Variants in SNRPN observed in about 807,000 individuals in gnomAD.
SNRPN encodes the protein small nuclear ribonucleoprotein polypeptide N, also known as small nuclear ribonucleoprotein-associated protein N.
SNRPN carries 7 observed loss-of-function variants against 25.2 expected under a neutral mutation model. That is an observed-to-expected ratio of 0.28 (90% confidence interval 0.16 to 0.52). The LOEUF (loss-of-function observed/expected upper bound fraction) is 0.52, where lower values mean the gene tolerates loss of function less well. Among genes scored for constraint, SNRPN ranks in the 20% least tolerant of loss-of-function variants. The probability of loss-of-function intolerance (pLI) is 0.96; values close to 1 mark genes in which losing one functional copy is unlikely to be tolerated. For missense variants in SNRPN, 196 were observed against 322.5 expected (o/e 0.61, Z 3.00); for synonymous variants, 124 against 110.6 (o/e 1.12, Z -0.76).
At chr15:24,868,874 C>T (rs2054834730) in intron 1 of SNRPN, among the ~76,000 whole-genome samples, 1 of 152,120 alleles carries the variant, frequency 6.6e-6, no homozygotes, top group African/African-American at 2.4e-5. Context: ...CAATAGCTCA[C>T]ACCGGTAATC....
chr15:24,928,523 T>C (rs771568257), intron 3 of SNRPN, among the ~76,000 whole-genome samples: 1 of 151,930 alleles, frequency 6.6e-6, no homozygotes, highest in Non-Finnish European at 1.5e-5. Context: ...AAGTAGAGAG[T>C]AGAATTGTGA....
Position 24,899,226 on chromosome 15 carries a change from A to G in SNRPN, c.-505+12637A>G, listed in dbSNP as rs1595781046. Among the ~76,000 whole-genome samples the G allele has an allele frequency of 2.0e-5, 3 of 152,312 alleles. No individual in the cohort carries two copies. In the South Asian group the frequency reaches 6.2e-4, roughly 32 times the overall value. On this transcript the variant is annotated intron_variant, in intron 2 of 11. Coordinates refer to the SNRPN transcript ENST00000400097. Reference sequence around the variant, plus strand: ...ATTACAAACATCAACGGAAAAATCAATGATCTGTTTAAAATATTGTAAATA... The same window carrying G: ...ATTACAAACATCAACGGAAAAATCAGTGATCTGTTTAAAATATTGTAAATA...
intron 1 of SNRPN, among the ~76,000 whole-genome samples, chr15:24,824,285 A>G (rs1188979432): frequency 6.6e-6 from 1 of 152,150 alleles, no homozygotes; most frequent in Non-Finnish European, 1.5e-5. Flanking sequence ...TTGTGTAGAC[A>G]GAACACTGAG....
chr15:24,941,721 T>C (rs939102973), intron 3 of SNRPN, among the ~76,000 whole-genome samples: 1 of 152,212 alleles, frequency 6.6e-6, no homozygotes, highest in Admixed American at 6.5e-5. Context: ...TCTTTGTTGA[T>C]TCAAAGGCAT....
intron 2 of SNRPN, chr15:24,912,669 A>AAGCC (rs1325858491): frequency 6.6e-6 from 1 of 152,188 alleles, no homozygotes; most frequent in African/African-American, 2.4e-5. Context: ...CGTGGTGACT[A>AAGCC]AGCCATGAGG....
chr15:24,887,769 G>C (rs1313244332), intron 2 of SNRPN, among the ~76,000 whole-genome samples: 3 of 152,102 alleles, frequency 2.0e-5, no homozygotes, highest in Non-Finnish European at 2.9e-5. Context: ...CAGCCCATGA[G>C]GTCTGCATGC....
intron 2 of SNRPN, among the ~76,000 whole-genome samples, chr15:24,842,629 C>A (rs2051806294): frequency 6.6e-6 from 1 of 152,156 alleles, no homozygotes; most frequent in South Asian, 2.1e-4. Flanking sequence ...CAGAGAGGAA[C>A]AAACCCCAGC....
intron 2 of SNRPN, among the ~76,000 whole-genome samples, chr15:24,966,567 T>C (rs2075673265): frequency 6.6e-6 from 1 of 152,138 alleles, no homozygotes; most frequent in Non-Finnish European, 1.5e-5. Flanking sequence ...TGATCTTTTG[T>C]GGCCTGGTTA....
intron 2 of SNRPN, among the ~76,000 whole-genome samples, chr15:24,888,702 AACCATGCT>A (rs528232563): frequency 6.6e-6 from 1 of 152,284 alleles, no homozygotes; most frequent in South Asian, 2.1e-4. Flanking sequence ...ACAGATAGTC[AACCATGCT>A]ACCCCTCTTA....
At chr15:24,947,935 T>TTTTTA (rs1302728591) in intron 3 of SNRPN, among the ~76,000 whole-genome samples, 2 of 151,856 alleles carry the variant, frequency 1.3e-5, no homozygotes, top group African/African-American at 2.4e-5. Flanking sequence ...TCCCATTCTT[T>TTTTTA]TTTTATTTTA....
intron 2 of SNRPN, among the ~76,000 whole-genome samples, chr15:24,902,107 C>T (rs1324450920): frequency 3.9e-5 from 6 of 152,028 alleles, no homozygotes; most frequent in South Asian, 2.1e-4. Flanking sequence ...ATAGCATTTC[C>T]GTTGCATTTT....
At chr15:24,918,674 G>A (rs1407950335) in intron 2 of SNRPN, among the ~76,000 whole-genome samples, 4 of 95,222 alleles carry the variant, frequency 4.2e-5, no homozygotes, top group Admixed American at 1.4e-4. Flanking sequence ...TAATATATAT[G>A]TGTGCATATA....
chr15:24,846,569 G>T (rs1473241826), intron 2 of SNRPN, among the ~76,000 whole-genome samples: 1 of 152,188 alleles, frequency 6.6e-6, no homozygotes, highest in Non-Finnish European at 1.5e-5. Flanking sequence ...GTCATAGAAG[G>T]AATCCTGCAG....
At chr15:24,959,035 T>C (rs904378658) in intron 1 of SNRPN, among the ~76,000 whole-genome samples, 3 of 152,204 alleles carry the variant, frequency 2.0e-5, no homozygotes, top group African/African-American at 7.2e-5. Flanking sequence ...TTTATTTTTA[T>C]TCTTGAGATC....
chr15:24,906,274 T>A (rs1490319441), intron 2 of SNRPN, among the ~76,000 whole-genome samples: 2 of 152,068 alleles, frequency 1.3e-5, no homozygotes, highest in African/African-American at 2.4e-5. Flanking sequence ...TACAGGTGGG[T>A]GCCACTGCAC....
intron 7 of SNRPN, among the ~76,000 whole-genome samples, 198 bp downstream of exon 7, chr15:24,977,227 G>A (rs2732019): frequency 0.16 from 23,629 of 152,168 alleles, 2,972 homozygotes; most frequent in African/African-American, 0.35. Flanking sequence ...AAGTTACCCA[G>A]GTTACTCTTG....
chr15:24,899,835 T>C (rs1016979745), intron 2 of SNRPN, among the ~76,000 whole-genome samples: 1 of 152,160 alleles, frequency 6.6e-6, no homozygotes, highest in Non-Finnish European at 1.5e-5. Context: ...CTTCAAACAT[T>C]CCCTCCTCAA....
chr15:24,930,948 C>A (rs542406447), intron 3 of SNRPN, among the ~76,000 whole-genome samples: 18 of 151,398 alleles, frequency 1.2e-4, no homozygotes, highest in Non-Finnish European at 2.5e-4. Flanking sequence ...CACCTGTAGT[C>A]CCAGCTACTC....
intron 2 of SNRPN, among the ~76,000 whole-genome samples, chr15:24,916,164 G>T (rs950945455): frequency 6.6e-6 from 1 of 151,886 alleles, no homozygotes; most frequent in Non-Finnish European, 1.5e-5. Flanking sequence ...GTTTCACTAC[G>T]TGGGCCGGGC....
Sources: allele counts gnomAD v4.1 joint callset (sites outside exome capture counted in the v4.1 genomes callset), GRCh38; gene constraint gnomAD v4.1.1; transcripts MANE v1.5; gene names NCBI Gene and HGNC (gene_info 2026-07-23, HGNC 2026-07-21).